The following TTN variants were observed in gnomAD, a reference collection of about 807,000 sequenced individuals.
TTN encodes the protein connectin.
In TTN, 1,525 loss-of-function variants were observed where a neutral mutation model predicts 3,223.0. The observed-to-expected ratio is 0.47, with a 90% confidence interval of 0.45 to 0.49. TTN has a LOEUF of 0.49. Ranked by LOEUF, TTN falls within the 20% of genes least tolerant of loss-of-function variation. The pLI is 0.00. For missense variants in TTN, 40,786 were observed against 43,424.0 expected (o/e 0.94, Z 5.40); for synonymous variants, 14,094 against 15,161.0 (o/e 0.93, Z 5.17).
intron 240 of TTN, among the ~76,000 whole-genome samples, chr2:178,628,343 G>T (rs1022593560): frequency 2.0e-5 from 3 of 151,952 alleles, no homozygotes; most frequent in Admixed American, 6.6e-5. Context: ...TTTTTGTTGA[G>T]ATCTTTATAG....
At position 178,590,862 on chromosome 2, in the gene TTN, G is replaced by C. The variant is rs370621197; in HGVS notation, c.60863C>G (p.Ala20288Gly). ...PVVTDITENAATVSWTLPKSD... is the reference protein window; with the variant it reads ...PVVTDITENAGTVSWTLPKSD... The stretch of plus-strand genomic sequence containing the variant: ...TTTTGGCAGGGTCCAAGACACTGTT[G>C]CTGCATTTTCAGTAATGTCAGTAAC... Residue 20288 changes from alanine (A) to glycine (G), a missense_variant, in exon 304 of 363, where the codon GCA becomes GGA. By Grantham distance (60) the Ala-to-Gly change is moderately conservative. Transcript: ENST00000589042. 21 of 1,609,772 alleles carry C rather than the reference G, an allele frequency of 1.3e-5. No individual in the cohort carries two copies. Among genetic ancestry groups the C allele is most frequent in the Non-Finnish European group, 1.8e-5 (21 of 1,176,650 alleles).
In TTN at chr2:178,718,174, C is replaced by T. The variant is rs1406754899; in HGVS notation, c.24832G>A (p.Gly8278Arg). ...TTACACTGTAAAGTTGCAGGTTCTC[C>T]AATGACTGCTTCCACATGTTCCAGA... The part of the protein sequence containing the change: ...EPLEHVEAVI[G>R]EPATLQCKVD... The change falls in exon 86 of 363, where the codon GGA (glycine) becomes AGA (arginine). Residue 8278 changes from glycine to arginine, a missense_variant. Transcript: ENST00000589042. 1 of 1,605,384 alleles carries T rather than the reference C, an allele frequency of 6.2e-7. No homozygotes were observed. Among genetic ancestry groups the T allele is most frequent in the East Asian group, 2.2e-5 (1 of 44,872 alleles).
rs775025065 is a variant in TTN, at chr2:178,556,860, T to C, written c.88294A>G (p.Ile29432Val). ...PSEVVGPITC[I>V]DSYGGPVIDL... ...TAAGCATGCTTACCATAAGAATCGATGCAAGTAATGGGCCCTACAACCTCA... is the reference window on the plus strand; with the variant it reads ...TAAGCATGCTTACCATAAGAATCGACGCAAGTAATGGGCCCTACAACCTCA... The change falls in exon 330 of 363, where the codon ATC becomes GTC. Residue 29432 changes from isoleucine (I) to valine (V), a missense_variant. Coordinates refer to ENST00000589042, the MANE Select transcript of TTN (RefSeq NM_001267550.2). The C allele has an allele frequency of 5.6e-5, 90 of 1,613,466 alleles. No homozygotes were observed. The highest frequency in any genetic ancestry group is 7.5e-5 in the Non-Finnish European group (88 of 1,179,808).
chr2:178,782,388 G>T lies in TTN; in HGVS notation c.3204C>A (p.Ser1068Arg). The T allele has an allele frequency of 1.2e-6, 2 of 1,614,024 alleles. No individual in the cohort carries two copies. The highest frequency in any genetic ancestry group is 2.2e-5 in the South Asian group (2 of 91,076). Reference protein sequence around the residue: ...ESRDVVMTDTSLTEEQAGPGE... With the variant: ...ESRDVVMTDTRLTEEQAGPGE... Reference sequence around the variant, plus strand: ...CAGGCCCTGCTTGTTCCTCTGTGAGGCTAGTATCAGTCATAACCACATCTC... The same window carrying T: ...CAGGCCCTGCTTGTTCCTCTGTGAGTCTAGTATCAGTCATAACCACATCTC... The change falls in exon 20 of 363, where the codon AGC (serine) becomes AGA (arginine). Residue 1068 changes from serine to arginine, a missense_variant. By Grantham distance (110) the Ser-to-Arg change is moderately radical. Coordinates refer to ENST00000589042, the MANE Select transcript of TTN (RefSeq NM_001267550.2).
rs775051962 is a variant in TTN at position 178,559,778 on chromosome 2, T to C, written c.86354A>G (p.Asn28785Ser). 1.9e-6 allele frequency: 3 copies of C among 1,604,952 alleles called. No individual in the cohort carries two copies. Among genetic ancestry groups the C allele is most frequent in the Middle Eastern group, 1.7e-4 (1 of 6,036 alleles). ...AGTGTCTGGCTTACTCCACAAGACA[T>C]TGGGTACTGGTCTTCCTCGGAAAGG... ...TVPFRGRPVP[N>S]VLWSKPDTDL... Residue 28785 changes from asparagine (N) to serine (S), a missense_variant, in exon 326 of 363, where the codon AAT becomes AGT. By Grantham distance (46) the Asn-to-Ser change is conservative. Transcript: ENST00000589042.
chr2:178,567,468 G>A lies in TTN; in HGVS notation c.78664C>T (p.Leu26222=). The A allele has an allele frequency of 3.1e-6, 5 of 1,613,076 alleles. No individual in the cohort carries two copies. Among genetic ancestry groups the A allele is most frequent in the Non-Finnish European group, 4.2e-6 (5 of 1,179,458 alleles). Residue 26222 remains leucine, a synonymous_variant, in exon 326 of 363, where the codon CTA becomes TTA. Transcript: ENST00000589042. ...CCTCTTAACCACTCAATGGTAGGTA[G>A]GGGCTTTCCATGGACATCAGCCTCA... is the stretch of plus-strand genomic sequence containing the variant. The part of the protein sequence containing the change: ...RLEADVHGKP[L]PTIEWLRGDK...
rs1488100561 is a variant in TTN at position 178,607,472 on chromosome 2, T to C, written c.53216A>G (p.His17739Arg). 6.2e-7 allele frequency: 1 copy of C among 1,613,180 alleles called. No individual in the cohort carries two copies. Among genetic ancestry groups the C allele is most frequent in the Non-Finnish European group, 8.5e-7 (1 of 1,179,440 alleles). Reference sequence around the variant, plus strand: ...TGTAGCTGTAATCACATATCTGCCATGGTCTTTTCGCAGTGCATCCTTGAT... The same window carrying C: ...TGTAGCTGTAATCACATATCTGCCACGGTCTTTTCGCAGTGCATCCTTGAT... ...LIIKDALRKD[H>R]GRYVITATNS... The change falls in exon 277 of 363, where the codon CAT (histidine) becomes CGT (arginine). Residue 17739 changes from histidine (H) to arginine (R), a missense_variant. Transcript: ENST00000589042.
At position 178,570,597 on chromosome 2, in the gene TTN, T is replaced by C; in HGVS notation, c.75535A>G (p.Ser25179Gly). The change falls in exon 326 of 363, where the codon AGT becomes GGT. Residue 25179 changes from serine (S) to glycine (G), a missense_variant. Ser to Gly is a moderately conservative substitution (Grantham distance 56). Transcript: ENST00000589042. ...LSVKDAVRVD[S>G]GNYILKAKNV... ...TTGGCCTTCAGTATGTAATTTCCAC[T>C]GTCGACACGTACTGCATCTTTTACA... 6.2e-7 allele frequency: 1 copy of C among 1,613,462 alleles called. No homozygotes were observed. The highest frequency in any genetic ancestry group is 8.5e-7 in the Non-Finnish European group (1 of 1,179,620).
chr2:178,796,518 T>C (rs544159430), intron 6 of TTN, among the ~76,000 whole-genome samples: 1 of 152,332 alleles, frequency 6.6e-6, no homozygotes, highest in East Asian at 1.9e-4. Flanking sequence ...AAAATCCATT[T>C]ACATTTTGTA....
rs183151656 is a variant in TTN, at chr2:178,543,617, C to T, written c.96356G>A (p.Arg32119Lys). Residue 32119 changes from arginine to lysine, a missense_variant, in exon 347 of 363, where the codon AGA (arginine) becomes AAA (lysine). Coordinates refer to ENST00000589042, the MANE Select transcript of TTN (RefSeq NM_001267550.2). ...CPSVKVKEVSRDSVTITWEIP... is the reference protein window; with the variant it reads ...CPSVKVKEVSKDSVTITWEIP... ...TTCCCAAGTTATAGTCACAGAATCT[C>T]TTGATACTTCCTTAACTTTCACTGA... 1.2e-6 allele frequency: 2 copies of T among 1,602,704 alleles called. No homozygotes were observed. The highest frequency in any genetic ancestry group is 3.3e-5 in the Admixed American group (2 of 59,934).
At chr2:178,735,365 A>G in intron 50 of TTN, 146 bp downstream of exon 50, 4 of 822,142 alleles carry the variant, frequency 4.9e-6, no homozygotes, top group South Asian at 6.0e-5. Flanking sequence ...AAATCAAACA[A>G]TGCCAGGACT....
At position 178,635,725 on chromosome 2, in the gene TTN, A is replaced by AATAAG. The variant is rs2060351027; in HGVS notation, c.41609-15_41609-11dup. On this transcript the variant is annotated splice_polypyrimidine_tract_variant and intron_variant, in intron 226 of 362. Transcript: ENST00000589042. ...CAATCTCTAATGACTTCTATATGAA[A>AATAAG]ATAAGATCAGAAAAAATGATTAAGG... is the stretch of plus-strand genomic sequence containing the variant. The AATAAG allele has an allele frequency of 6.3e-7, 1 of 1,584,542 alleles. No homozygotes were observed. The highest frequency in any genetic ancestry group is 1.4e-5 in the African/African-American group (1 of 73,680).
rs780283171 is a variant in TTN, at chr2:178,633,217, C to T, written c.43056G>A (p.Lys14352=). 3.1e-6 allele frequency: 5 copies of T among 1,612,800 alleles called. No individual in the cohort carries two copies. The highest frequency in any genetic ancestry group is 4.5e-5 in the East Asian group (2 of 44,688). ...LSEPDVHGQW[K]LKGQPLTASP... ...AAGCTGTCAAAGGCTGTCCTTTCAG[C>T]TTCCACTGGCCGTGAACATCAGGTT... Residue 14352 remains lysine (K), a synonymous_variant, in exon 233 of 363, where the codon AAG becomes AAA. Coordinates refer to ENST00000589042, the MANE Select transcript of TTN (RefSeq NM_001267550.2).
chr2:178,741,604 G>A lies in TTN; in HGVS notation c.11629C>T (p.Leu3877=), dbSNP rs2082493808. 1 of 1,613,814 alleles carries A rather than the reference G, an allele frequency of 6.2e-7. No homozygotes were observed. Residue 3877 remains leucine, a synonymous_variant, in exon 48 of 363, where the codon CTG becomes TTG. Coordinates refer to ENST00000589042, the MANE Select transcript of TTN (RefSeq NM_001267550.2). The part of the protein sequence containing the change: ...KFVFDGDDHS[L]IILFTKLEDE... ...TCCAATTTGGTGAACAGAATGATCA[G>A]GCTATGATCATCACCGTCAAAAACA...
chr2:178,730,207 T>C lies in TTN; in HGVS notation c.18193A>G (p.Thr6065Ala). Reference sequence around the variant, plus strand: ...GCAAAGAGCTCTAGACTGGTAGAGGTGTCATCCTTCCAAACTGAGCGGGCT... The same window carrying C: ...GCAAAGAGCTCTAGACTGGTAGAGGCGTCATCCTTCCAAACTGAGCGGGCT... ...GAARSVWKDDTSTSLELFAAK... is the reference protein window; with the variant it reads ...GAARSVWKDDASTSLELFAAK... Residue 6065 changes from threonine to alanine, a missense_variant, in exon 62 of 363, where the codon ACC becomes GCC. Thr to Ala is a moderately conservative substitution (Grantham distance 58, BLOSUM62 0). Transcript: ENST00000589042. The C allele has an allele frequency of 6.2e-7, 1 of 1,613,434 alleles. No individual in the cohort carries two copies. The highest frequency in any genetic ancestry group is 8.5e-7 in the Non-Finnish European group (1 of 1,179,652).
rs1559577387 is a variant in TTN, at chr2:178,590,061, C to T, written c.61664G>A (p.Ser20555Asn). Residue 20555 changes from serine (S) to asparagine (N), a missense_variant, in exon 304 of 363, where the codon AGT becomes AAT. Ser to Asn is a conservative substitution (Grantham distance 46, BLOSUM62 1). Transcript: ENST00000589042. ...GATGGCTGAACCTTGGGCATGTCCACTGCTGTTCTTAGCTGAGATGATATA... is the reference window on the plus strand; with the variant it reads ...GATGGCTGAACCTTGGGCATGTCCATTGCTGTTCTTAGCTGAGATGATATA... ...GKYIISAKNS[S>N]GHAQGSAIVN... 1.2e-6 allele frequency: 2 copies of T among 1,613,214 alleles called. No individual in the cohort carries two copies. The highest frequency in any genetic ancestry group is 1.7e-6 in the Non-Finnish European group (2 of 1,179,488).
intron 13 of TTN, among the ~76,000 whole-genome samples, chr2:178,788,697 TA>T (rs898945201): frequency 6.6e-6 from 1 of 152,100 alleles, no homozygotes; most frequent in Non-Finnish European, 1.5e-5. Flanking sequence ...GGAAACAGTT[TA>T]ATTCATGGAT....
In TTN at chr2:178,784,051, C is replaced by A. The variant is rs199707799; in HGVS notation, c.2775+19G>T. On this transcript the variant is annotated intron_variant, in intron 16 of 362. Coordinates refer to ENST00000589042, the MANE Select transcript of TTN (RefSeq NM_001267550.2). ...TCAATGGGAGTGGACCATGTAACAG[C>A]GGGTAACCAGTGACCAACCTTGGCT... 822 of 1,612,012 alleles carry A rather than the reference C, an allele frequency of 5.1e-4. No homozygotes were observed. The highest frequency in any genetic ancestry group is 6.6e-4 in the Non-Finnish European group (780 of 1,179,832).
Position 178,771,338 on chromosome 2 carries a change from G to A in TTN, c.7989C>T (p.Asn2663=). 1 of 1,614,082 alleles carries A rather than the reference G, an allele frequency of 6.2e-7. No individual in the cohort carries two copies. The highest frequency in any genetic ancestry group is 2.2e-5 in the East Asian group (1 of 44,852). Residue 2663 remains asparagine (N), a synonymous_variant, in exon 34 of 363, where the codon AAC becomes AAT. Transcript: ENST00000589042. ...LRDGKHLPLT[N]NIRSESDGHK... ...GGCCATCAGACTCACTTCTGATGTT[G>A]TTAGTCAGTGGTAGGTGTTTGCCAT... is the stretch of plus-strand genomic sequence containing the variant.
Sources: gnomAD v4.1 joint callset for allele counts (sites outside exome capture counted in the v4.1 genomes callset) on GRCh38, gnomAD v4.1.1 for gene constraint, MANE v1.5 for transcripts, NCBI Gene and HGNC (gene_info 2026-07-23, HGNC 2026-07-21) for gene names.